The following ADRA1A variants were observed in gnomAD, a reference collection of about 807,000 sequenced individuals.
The protein encoded by ADRA1A is alpha-1A adrenergic receptor.
Under a neutral mutation model 29.6 loss-of-function variants are expected in ADRA1A, and 31 were observed. The observed-to-expected ratio is 1.05, with a 90% CI of 0.79 to 1.41. The LOEUF (loss-of-function observed/expected upper bound fraction) is 1.41. Among genes scored for constraint, ADRA1A ranks in the 40% most tolerant of loss-of-function variants. The pLI, the probability that ADRA1A is intolerant of heterozygous loss-of-function variation, is 0.00. For missense variants in ADRA1A, 619 were observed against 601.1 expected (o/e 1.03, Z -0.31); for synonymous variants, 311 against 254.3 (o/e 1.22, Z -2.12).
chr8:26,817,930 A>T (rs530794827), intron 2 of ADRA1A, among the ~76,000 whole-genome samples: 47 of 152,362 alleles, frequency 3.1e-4, no homozygotes, highest in African/African-American at 1.1e-3. Flanking sequence ...ATCTGGAATC[A>T]ACACAGACAT....
At chr8:26,755,033 ATCT>A (rs900510806), downstream of ADRA1A, among the ~76,000 whole-genome samples, 3 of 152,224 alleles carry the variant, frequency 2.0e-5, no homozygotes, top group African/African-American at 7.2e-5. Flanking sequence ...GCTGCATAAC[ATCT>A]TCTTGCTAAA....
At chr8:26,790,460 C>T (rs1046328810) in intron 2 of ADRA1A, among the ~76,000 whole-genome samples, 16 of 151,958 alleles carry the variant, frequency 1.1e-4, no homozygotes, top group East Asian at 3.9e-4. Flanking sequence ...TGGGAAGAAT[C>T]GTGGGGAGGG....
intron 2 of ADRA1A, among the ~76,000 whole-genome samples, chr8:26,816,697 C>T (rs1809792220): frequency 6.6e-6 from 1 of 152,200 alleles, no homozygotes. Context: ...ACTCACACCT[C>T]CATGTGGCAC....
intron 2 of ADRA1A, among the ~76,000 whole-genome samples, chr8:26,833,274 A>G (rs1346916688): frequency 6.6e-6 from 1 of 152,156 alleles, no homozygotes. Context: ...TGACCTCGCC[A>G]CATGGAAGCC....
intron 2 of ADRA1A, among the ~76,000 whole-genome samples, chr8:26,849,183 A>T (rs985149545): frequency 1.3e-5 from 2 of 152,218 alleles, no homozygotes; most frequent in African/African-American, 2.4e-5. Flanking sequence ...TGAATAAAAA[A>T]CTGATGAATC....
At chr8:26,748,758 A>C in intron 2 of ADRA1A, 1 of 411,866 alleles carries the variant, frequency 2.4e-6, no homozygotes, top group Non-Finnish European at 4.7e-6. Context: ...TCTAAAAAAA[A>C]AAAAAAAAAA....
At chr8:26,828,991 T>A (rs1241277696) in intron 2 of ADRA1A, among the ~76,000 whole-genome samples, 2 of 152,192 alleles carry the variant, frequency 1.3e-5, no homozygotes, top group Non-Finnish European at 2.9e-5. Flanking sequence ...CTTTATAAGG[T>A]TTTATGCATG....
At chr8:26,828,481 C>T (rs1187646142) in intron 2 of ADRA1A, among the ~76,000 whole-genome samples, 1 of 152,178 alleles carries the variant, frequency 6.6e-6, no homozygotes, top group African/African-American at 2.4e-5. Context: ...ATGAGTCCTT[C>T]CTCAGTCATT....
intron 2 of ADRA1A, among the ~76,000 whole-genome samples, chr8:26,817,942 C>T (rs1809879440): frequency 1.3e-5 from 2 of 152,222 alleles, no homozygotes; most frequent in South Asian, 2.1e-4. Flanking sequence ...CACAGACATA[C>T]ATCCTTCAGC....
In ADRA1A at chr8:26,806,601, C is replaced by T. The variant is rs1337729166; in HGVS notation, c.884-35935G>A. On this transcript the variant is annotated intron_variant, in intron 2 of 2. Coordinates refer to ENST00000380573, the MANE Select transcript of ADRA1A (RefSeq NM_000680.4). This position sits in a 1 kb window ranked among gnomAD's most constrained non-coding sequence, Gnocchi z 4.6. The stretch of plus-strand genomic sequence containing the variant: ...TAATTAGTGGGAAGATGTCATGCCT[C>T]ACACTGGGGAGTAAATGAAATGGCC... Among the ~76,000 whole-genome samples the T allele has an allele frequency of 1.3e-5, 2 of 152,162 alleles. No homozygotes were observed. The highest frequency in any genetic ancestry group is 2.4e-5 in the African/African-American group (1 of 41,448).
chr8:26,785,929 A>G (rs1320880782), intron 2 of ADRA1A, among the ~76,000 whole-genome samples: 4 of 152,216 alleles, frequency 2.6e-5, no homozygotes, highest in African/African-American at 9.6e-5. Context: ...ACGTCTCTCC[A>G]TCTCCATTGT....
rs751239258 is a variant in ADRA1A at position 26,806,056 on chromosome 8, C to T, written c.884-35390G>A. 1.3e-5 allele frequency among the ~76,000 whole-genome samples: 2 copies of T among 152,200 alleles called. No homozygotes were observed. Among genetic ancestry groups the T allele is most frequent in the Non-Finnish European group, 2.9e-5 (2 of 68,046 alleles). On this transcript the variant is annotated intron_variant, in intron 2 of 2. Coordinates refer to ENST00000380573, the MANE Select transcript of ADRA1A (RefSeq NM_000680.4). The surrounding 1 kb of genome is among the most constrained non-coding windows in gnomAD (Gnocchi z 4.6). ...TGTGGCAGCCGCCAATGTGCTTGCTCTTCCTATTTTATCCTTCCAGGCATG... is the reference window on the plus strand; with the variant it reads ...TGTGGCAGCCGCCAATGTGCTTGCTTTTCCTATTTTATCCTTCCAGGCATG...
rs1399720324 is a variant in ADRA1A, at chr8:26,821,370, T to C, written c.883+42717A>G. Among the ~76,000 whole-genome samples the C allele has an allele frequency of 6.6e-6, 1 of 152,100 alleles. No individual in the cohort carries two copies. Among genetic ancestry groups the C allele is most frequent in the African/African-American group, 2.4e-5 (1 of 41,422 alleles). On this transcript the variant is annotated intron_variant, in intron 2 of 2. Transcript: ENST00000380573. The surrounding 1 kb of genome is among the most constrained non-coding windows in gnomAD (Gnocchi z 5.6). The stretch of plus-strand genomic sequence containing the variant: ...GAAGGCTAAGGGAGAGCAGGAAATA[T>C]CACATGGTGAGAGTGGGAGCAAGAC...
intron 2 of ADRA1A, chr8:26,779,304 T>G: frequency 1.4e-6 from 1 of 702,802 alleles, no homozygotes; most frequent in Non-Finnish European, 2.6e-6. Flanking sequence ...CCCACAGGTG[T>G]CTTTCCTTGA....
intron 2 of ADRA1A, among the ~76,000 whole-genome samples, chr8:26,801,670 A>G (rs1414885064): frequency 1.9e-5 from 2 of 102,620 alleles, no homozygotes; most frequent in Non-Finnish European, 3.6e-5. Context: ...AATCAATACT[A>G]TTAAAATGTT....
chr8:26,756,361 A>G, downstream of ADRA1A: 1 of 1,120,660 alleles, frequency 8.9e-7, no homozygotes, highest in Non-Finnish European at 1.2e-6. Context: ...AATGCCATTT[A>G]CTTATTGAAG....
chr8:26,773,919 C>A (rs1240545718), intron 2 of ADRA1A, among the ~76,000 whole-genome samples: 1 of 152,186 alleles, frequency 6.6e-6, no homozygotes, highest in Non-Finnish European at 1.5e-5. Context: ...CTGTACCCCA[C>A]TCAAAACACT....
At chr8:26,802,882 C>T (rs1343888927) in intron 2 of ADRA1A, among the ~76,000 whole-genome samples, 1 of 152,174 alleles carries the variant, frequency 6.6e-6, no homozygotes, top group African/African-American at 2.4e-5. Context: ...CAATGGAATA[C>T]TATTCAGCCA....
chr8:26,755,912 T>C (rs1805142588), downstream of ADRA1A, among the ~76,000 whole-genome samples: 1 of 152,248 alleles, frequency 6.6e-6, no homozygotes, highest in Non-Finnish European at 1.5e-5. Context: ...TGTCTATGAA[T>C]GTTCTAGAAT....
Sources: gnomAD v4.1 joint callset for allele counts (sites outside exome capture counted in the v4.1 genomes callset) on GRCh38, gnomAD v4.1.1 for gene constraint, Gnocchi (gnomAD v3.1) non-coding constraint, MANE v1.5 for transcripts, NCBI Gene and HGNC (gene_info 2026-07-23, HGNC 2026-07-21) for gene names.